The following NKAIN2 variants were observed in gnomAD, a reference collection of about 807,000 sequenced individuals.
NKAIN2 encodes the protein sodium/potassium-transporting ATPase subunit beta-1-interacting protein 2.
NKAIN2 carries 14 observed loss-of-function variants against 32.6 expected under a neutral mutation model. The observed-to-expected ratio is 0.43, with a 90% CI of 0.28 to 0.67. NKAIN2 has a LOEUF of 0.67. Ranked by LOEUF, NKAIN2 falls within the 30% of genes least tolerant of loss-of-function variation. The pLI, the probability that NKAIN2 is intolerant of heterozygous loss-of-function variation, is 0.17. For synonymous variants in NKAIN2, 80 were observed against 87.2 expected (o/e 0.92, Z 0.46); for missense variants, 198 against 258.3 (o/e 0.77, Z 1.60).
chr6:123,969,084 C>T (rs190522732), intron 1 of NKAIN2, among the ~76,000 whole-genome samples: 133 of 152,086 alleles, frequency 8.7e-4, no homozygotes, highest in African/African-American at 3.0e-3. Flanking sequence ...TAGGTCCCAC[C>T]ACTGAAAAAT....
At chr6:124,791,166 G>T (rs552405176) in intron 4 of NKAIN2, among the ~76,000 whole-genome samples, 173 bp from the exon 5 acceptor site, 3 of 152,210 alleles carry the variant, frequency 2.0e-5, no homozygotes, top group African/African-American at 7.2e-5. Context: ...CAACACAGAT[G>T]AGCATCATTT....
In NKAIN2 at chr6:124,364,250, A is replaced by AAGAGAG. The variant is rs1554288847; in HGVS notation, c.273+8905_273+8910dup. ...GGTTAAAAATACCAAAAAAAAAAAA[A>AAGAGAG]AGAGAGAAAAGAATGTCAAAAACAT... On this transcript the variant is annotated intron_variant, in intron 3 of 6. Transcript: ENST00000368417. Among the ~76,000 whole-genome samples the AAGAGAG allele has an allele frequency of 1.4e-4, 19 of 139,734 alleles. 1 individual carries two copies. The highest frequency in any genetic ancestry group is 2.1e-4 in the African/African-American group (8 of 37,404). 91.7% of individuals were successfully genotyped at this position (139,734 alleles called of 152,430 possible).
At chr6:124,200,469 A>G (rs1172657331) in intron 1 of NKAIN2, among the ~76,000 whole-genome samples, 1 of 152,090 alleles carries the variant, frequency 6.6e-6, no homozygotes, top group Non-Finnish European at 1.5e-5. Context: ...CTGTGAGTTC[A>G]TCATCATTAG....
At chr6:123,941,060 CT>C (rs1776797493) in intron 1 of NKAIN2, among the ~76,000 whole-genome samples, 1 of 151,560 alleles carries the variant, frequency 6.6e-6, no homozygotes, top group African/African-American at 2.4e-5. Flanking sequence ...ACTTTTTAAA[CT>C]TTTTTGGTTA....
chr6:124,623,936 C>G (rs573716695), intron 3 of NKAIN2, among the ~76,000 whole-genome samples: 1 of 152,116 alleles, frequency 6.6e-6, no homozygotes. Context: ...TTGACTGGCC[C>G]TACTTGAAAT....
At chr6:124,384,763 G>T (rs954989847) in intron 3 of NKAIN2, among the ~76,000 whole-genome samples, 1 of 150,164 alleles carries the variant, frequency 6.7e-6, no homozygotes, top group Non-Finnish European at 1.5e-5. Context: ...GGGTAGGAAG[G>T]ACCACAGGCA....
chr6:123,927,717 C>A (rs149727490), intron 1 of NKAIN2, among the ~76,000 whole-genome samples: 275 of 152,298 alleles, frequency 1.8e-3, no homozygotes, highest in African/African-American at 6.1e-3. Context: ...TGTAGTTCTG[C>A]TATTCTTGGA....
At chr6:124,810,644 CAAAT>C (rs990652360) in intron 5 of NKAIN2, among the ~76,000 whole-genome samples, 13 of 151,348 alleles carry the variant, frequency 8.6e-5, no homozygotes, top group African/African-American at 2.9e-4. Context: ...TAAAAATAAA[CAAAT>C]AAATAAATAA....
At chr6:124,562,893 AT>A (rs1780749746) in intron 3 of NKAIN2, among the ~76,000 whole-genome samples, 2 of 145,616 alleles carry the variant, frequency 1.4e-5, no homozygotes, top group African/African-American at 5.1e-5. Flanking sequence ...AAATGTTAGT[AT>A]TTTTTGTTTC....
intron 1 of NKAIN2, among the ~76,000 whole-genome samples, chr6:123,874,972 ATAGAGAT>A (rs1773105123): frequency 6.6e-6 from 1 of 151,996 alleles, no homozygotes; most frequent in African/African-American, 2.4e-5. Flanking sequence ...TTTAAACTAT[ATAGAGAT>A]TTTAATGATT....
At chr6:124,027,629 C>T (rs1781173210) in intron 1 of NKAIN2, among the ~76,000 whole-genome samples, 1 of 152,136 alleles carries the variant, frequency 6.6e-6, no homozygotes, top group Admixed American at 6.5e-5. Flanking sequence ...TCATCGTCAG[C>T]CAGTCATGCC....
chr6:124,606,544 T>C (rs1782506642), intron 3 of NKAIN2, among the ~76,000 whole-genome samples: 2 of 152,100 alleles, frequency 1.3e-5, no homozygotes, highest in Non-Finnish European at 1.5e-5. Flanking sequence ...TTATTGTACA[T>C]CCATTAGAAA....
chr6:123,804,193 C>T lies in NKAIN2; in HGVS notation c.-8C>T, dbSNP rs1368259827. 3.7e-6 allele frequency: 6 copies of T among 1,613,530 alleles called. No homozygotes were observed. Among genetic ancestry groups the T allele is most frequent in the Non-Finnish European group, 5.1e-6 (6 of 1,179,712 alleles). ...GACAGTCTGGCTGTGGCAGGGGTCT[C>T]GGAAACCATGGGTTATTGCAGTGGC... On this transcript the variant is annotated 5_prime_UTR_variant, in exon 1 of 7. Coordinates refer to ENST00000368417, the MANE Select transcript of NKAIN2 (RefSeq NM_001040214.3).
intron 3 of NKAIN2, among the ~76,000 whole-genome samples, chr6:124,604,729 G>A (rs1233744818): frequency 6.6e-6 from 1 of 151,936 alleles, no homozygotes; most frequent in Non-Finnish European, 1.5e-5. Context: ...CTATTTGAGT[G>A]GAGCAATGAA....
intron 1 of NKAIN2, among the ~76,000 whole-genome samples, chr6:123,944,465 A>G (rs1776977162): frequency 6.6e-6 from 1 of 152,000 alleles, no homozygotes; most frequent in African/African-American, 2.4e-5. Context: ...TTTTGGTCCC[A>G]CATTCCTCAA....
At chr6:124,258,481 G>A (rs1794060627) in intron 1 of NKAIN2, among the ~76,000 whole-genome samples, 2 of 152,090 alleles carry the variant, frequency 1.3e-5, no homozygotes, top group African/African-American at 4.8e-5. Flanking sequence ...TACATCCAGG[G>A]AACTGTGGAA....
intron 1 of NKAIN2, among the ~76,000 whole-genome samples, chr6:124,018,059 A>C (rs551984087): frequency 6.6e-6 from 1 of 152,234 alleles, no homozygotes; most frequent in Non-Finnish European, 1.5e-5. Flanking sequence ...CTCCTCTGAA[A>C]TCTAGGTGGA....
intron 1 of NKAIN2, among the ~76,000 whole-genome samples, chr6:123,829,684 G>C (rs983596035): frequency 3.3e-5 from 5 of 152,170 alleles, no homozygotes; most frequent in African/African-American, 9.7e-5. Context: ...GGTTTGGGAA[G>C]TATAGTTATT....
At chr6:124,193,198 A>C (rs1295821034) in intron 1 of NKAIN2, among the ~76,000 whole-genome samples, 1 of 152,096 alleles carries the variant, frequency 6.6e-6, no homozygotes, top group African/African-American at 2.4e-5. Context: ...CCTCTGCCCG[A>C]GTTTTGCGAG....
Sources: gnomAD v4.1 joint callset for allele counts (sites outside exome capture counted in the v4.1 genomes callset) on GRCh38, gnomAD v4.1.1 for gene constraint, MANE v1.5 for transcripts, NCBI Gene and HGNC (gene_info 2026-07-23, HGNC 2026-07-21) for gene names.